BTBD9: variants seen among roughly 807,000 people sequenced by gnomAD.
BTBD9 encodes BTB domain containing 9.
In BTBD9, 49 loss-of-function variants were observed where a neutral mutation model predicts 64.3. That is an observed-to-expected ratio of 0.76 (90% CI 0.61 to 0.97). The LOEUF (loss-of-function observed/expected upper bound fraction) is 0.97, where lower values mean the gene tolerates loss of function less well. Ranked by LOEUF, BTBD9 falls within the 50% of genes least tolerant of loss-of-function variation. The pLI, the probability that BTBD9 is intolerant of heterozygous loss-of-function variation, is 0.00. For synonymous variants in BTBD9, 260 were observed against 274.7 expected (o/e 0.95, Z 0.53); for missense variants, 598 against 762.1 (o/e 0.78, Z 2.53).
At chr6:38,434,491 A>G (rs982260810) in intron 6 of BTBD9, among the ~76,000 whole-genome samples, 1 of 151,858 alleles carries the variant, frequency 6.6e-6, no homozygotes, top group Non-Finnish European at 1.5e-5. Context: ...GGACCAAACC[A>G]TTGTATTTCT....
chr6:38,337,105 C>T (rs1763922337), intron 7 of BTBD9, among the ~76,000 whole-genome samples: 1 of 152,186 alleles, frequency 6.6e-6, no homozygotes, highest in Admixed American at 6.5e-5. Flanking sequence ...GCATTAAGGC[C>T]CTTAAGGCCC....
At chr6:38,420,244 G>A (rs1476824353) in intron 6 of BTBD9, among the ~76,000 whole-genome samples, 1 of 152,158 alleles carries the variant, frequency 6.6e-6, no homozygotes, top group Non-Finnish European at 1.5e-5. Context: ...ACTCTCTGAA[G>A]AGATTTTTCT....
chr6:38,329,570 G>A lies in BTBD9; in HGVS notation c.1264+15414C>T, dbSNP rs531874099. ...ACTCCTGACCTCAAGTGATCTGCCC[G>A]ATTTGGCCTCCCAAAGTGCTGGGAT... On this transcript the variant is annotated intron_variant, in intron 7 of 10. Coordinates refer to ENST00000481247, the MANE Select transcript of BTBD9 (RefSeq NM_001099272.2). 3.3e-5 allele frequency among the ~76,000 whole-genome samples: 5 copies of A among 152,026 alleles called. No homozygotes were observed. The South Asian group carries it at 6.2e-4, about 19-fold the overall frequency.
At chr6:38,288,794 G>A (rs1251384460) in intron 7 of BTBD9, among the ~76,000 whole-genome samples, 1 of 152,110 alleles carries the variant, frequency 6.6e-6, no homozygotes, top group African/African-American at 2.4e-5. Flanking sequence ...AGGCGTGGTG[G>A]CGTGTGCCTG....
intron 5 of BTBD9, among the ~76,000 whole-genome samples, chr6:38,579,120 A>G (rs2127474541): frequency 6.6e-6 from 1 of 152,354 alleles, no homozygotes; most frequent in African/African-American, 2.4e-5. Context: ...GCTACATATC[A>G]GAAAATATAT....
chr6:38,439,110 C>CTTTTTTTTTTTT (rs35699356), intron 6 of BTBD9, among the ~76,000 whole-genome samples: 51 of 64,052 alleles, frequency 8.0e-4, no homozygotes, highest in African/African-American at 2.9e-3. Context: ...TAGCAACTGA[C>CTTTTTTTTTTTT]TTTTTTTTTT....
intron 6 of BTBD9, among the ~76,000 whole-genome samples, chr6:38,568,849 G>A (rs1775634275): frequency 6.6e-6 from 1 of 152,128 alleles, no homozygotes; most frequent in Non-Finnish European, 1.5e-5. Flanking sequence ...CTTCTTCGCA[G>A]GGAGTCTTTT....
rs539862207 is a variant in BTBD9, at chr6:38,280,303, C to G, written c.1454+7969G>C. On this transcript the variant is annotated intron_variant, in intron 8 of 10. Coordinates refer to ENST00000481247, the MANE Select transcript of BTBD9 (RefSeq NM_001099272.2). ...TGTATGATTTTTCTGGGAACCAGAG[C>G]TCTGAGGTCTGAGGGTGATAAAAGA... 7.9e-5 allele frequency among the ~76,000 whole-genome samples: 12 copies of G among 152,232 alleles called. No homozygotes were observed. The East Asian group carries it at 1.9e-3, about 25-fold the overall frequency.
At chr6:38,484,833 GCCTCAATGT>G (rs1360651724) in intron 6 of BTBD9, among the ~76,000 whole-genome samples, 3 of 152,156 alleles carry the variant, frequency 2.0e-5, no homozygotes, top group African/African-American at 7.2e-5. Context: ...GGAGGATCAC[GCCTCAATGT>G]TGATAGCTGC....
At chr6:38,251,856 C>A (rs894160419) in intron 9 of BTBD9, among the ~76,000 whole-genome samples, 4 of 147,410 alleles carry the variant, frequency 2.7e-5, no homozygotes, top group Non-Finnish European at 4.4e-5. Context: ...TACGCCACTG[C>A]ACTCCAGCTT....
chr6:38,179,815 C>T (rs963548460), intron 10 of BTBD9: 6 of 456,740 alleles, frequency 1.3e-5, no homozygotes, highest in South Asian at 7.7e-5. Flanking sequence ...CTAATTTTGC[C>T]TGGAAGAGGG....
intron 9 of BTBD9, among the ~76,000 whole-genome samples, chr6:38,210,219 G>A (rs1039867154): frequency 4.6e-5 from 7 of 152,122 alleles, no homozygotes; most frequent in African/African-American, 1.7e-4. Flanking sequence ...CTTACATCCT[G>A]CTAGCCCGTC....
At chr6:38,544,850 C>T (rs1208006644) in intron 6 of BTBD9, among the ~76,000 whole-genome samples, 1 of 140,850 alleles carries the variant, frequency 7.1e-6, no homozygotes, top group Admixed American at 7.7e-5. Flanking sequence ...TTGCTTGAAC[C>T]CAGGAGGCAG....
chr6:38,317,230 C>CAA (rs1763061420), intron 7 of BTBD9, among the ~76,000 whole-genome samples: 2 of 152,002 alleles, frequency 1.3e-5, no homozygotes, highest in African/African-American at 4.8e-5. Context: ...CTCCTGACCT[C>CAA]GTGATCTACC....
At chr6:38,580,553 A>G in intron 4 of BTBD9, 116 bp from the exon 5 acceptor site, 1 of 855,626 alleles carries the variant, frequency 1.2e-6, no homozygotes, top group Non-Finnish European at 1.8e-6. Flanking sequence ...TAAGAACAGC[A>G]TAGACAAGTT....
chr6:38,207,756 G>C (rs1762707931), intron 9 of BTBD9, among the ~76,000 whole-genome samples: 1 of 151,954 alleles, frequency 6.6e-6, no homozygotes, highest in Non-Finnish European at 1.5e-5. Context: ...AGGTAGGAGG[G>C]AAACATTTCA....
intron 6 of BTBD9, among the ~76,000 whole-genome samples, chr6:38,395,071 G>A (rs1459999351): frequency 3.3e-5 from 5 of 152,156 alleles, no homozygotes; most frequent in Non-Finnish European, 2.9e-5. Flanking sequence ...TAGGAGGTGG[G>A]GGCTTTGGGG....
At chr6:38,335,972 T>TTTGGTG (rs1763877415) in intron 7 of BTBD9, among the ~76,000 whole-genome samples, 2 of 152,066 alleles carry the variant, frequency 1.3e-5, no homozygotes, top group South Asian at 4.1e-4. Context: ...TGACCTCAGG[T>TTTGGTG]GATCCACCAA....
At chr6:38,302,001 C>T (rs1038579676) in intron 7 of BTBD9, among the ~76,000 whole-genome samples, 7 of 152,112 alleles carry the variant, frequency 4.6e-5, no homozygotes, top group African/African-American at 1.7e-4. Context: ...GCATTTAGTG[C>T]TATAAATTTC....
Sources: allele counts gnomAD v4.1 joint callset (sites outside exome capture counted in the v4.1 genomes callset), GRCh38; gene constraint gnomAD v4.1.1; transcripts MANE v1.5; gene names NCBI Gene and HGNC (gene_info 2026-07-23, HGNC 2026-07-21).